TLN2: variants seen among roughly 807,000 people sequenced by gnomAD.
TLN2 encodes talin 2.
A neutral mutation model predicts 294.7 loss-of-function variants in TLN2; 118 were observed. That is an observed-to-expected ratio of 0.40 (90% CI 0.34 to 0.47). The LOEUF (loss-of-function observed/expected upper bound fraction) is 0.47. TLN2 is among the 20% of genes least tolerant of loss of function. The pLI, the probability that TLN2 is intolerant of heterozygous loss-of-function variation, is 0.84. For synonymous variants in TLN2, 1,431 were observed against 1,304.5 expected (o/e 1.10, Z -2.09); for missense variants, 3,083 against 3,282.2 (o/e 0.94, Z 1.48).
chr15:62,574,303 G>A (rs768928423), intron 1 of TLN2, among the ~76,000 whole-genome samples: 13 of 151,728 alleles, frequency 8.6e-5, no homozygotes, highest in African/African-American at 1.2e-4. Flanking sequence ...TTAGCCAGGC[G>A]CGGTGGCTCA....
At chr15:62,800,227 A>T (rs1385177163) in intron 48 of TLN2, 141 bp from the exon 49 acceptor site, 3 of 1,349,438 alleles carry the variant, frequency 2.2e-6, no homozygotes, top group African/African-American at 1.5e-5. Flanking sequence ...GTGGCTTCCC[A>T]GGAGGTCTGC....
chr15:62,410,174 G>A (rs942148017), intron 1 of TLN2, among the ~76,000 whole-genome samples: 6 of 152,140 alleles, frequency 3.9e-5, no homozygotes. Flanking sequence ...CCCGGGAGAC[G>A]GAGGTTGCAC....
intron 1 of TLN2, among the ~76,000 whole-genome samples, chr15:62,476,998 G>A (rs191229666): frequency 5.9e-5 from 9 of 152,266 alleles, no homozygotes; most frequent in African/African-American, 1.4e-4. Context: ...CTCTTTAGTC[G>A]TTAGTAGACT....
chr15:62,605,257 G>A (rs1156770352), intron 2 of TLN2, among the ~76,000 whole-genome samples: 1 of 152,110 alleles, frequency 6.6e-6, no homozygotes, highest in Non-Finnish European at 1.5e-5. Flanking sequence ...AAATATCCTA[G>A]CCTAAATGCT....
At chr15:62,428,676 T>C (rs1566963891) in intron 1 of TLN2, among the ~76,000 whole-genome samples, 1 of 152,172 alleles carries the variant, frequency 6.6e-6, no homozygotes, top group Non-Finnish European at 1.5e-5. Flanking sequence ...AAAAGCTCTT[T>C]TTATGAGAGT....
At chr15:62,810,976 C>T (rs940214410) in intron 52 of TLN2, among the ~76,000 whole-genome samples, 3 of 152,210 alleles carry the variant, frequency 2.0e-5, no homozygotes, top group South Asian at 2.1e-4. Context: ...TCTGTCCTTG[C>T]GCAGCCATGA....
chr15:62,526,974 G>A (rs2040771937), intron 1 of TLN2, among the ~76,000 whole-genome samples: 1 of 152,158 alleles, frequency 6.6e-6, no homozygotes, highest in South Asian at 2.1e-4. Context: ...GAGTCTGTAT[G>A]TATAGATGTA....
intron 1 of TLN2, among the ~76,000 whole-genome samples, chr15:62,536,568 C>T (rs1233652471): frequency 2.0e-5 from 3 of 152,124 alleles, no homozygotes; most frequent in South Asian, 2.1e-4. Flanking sequence ...CTTGACAGCA[C>T]GTGTGTTTTG....
intron 48 of TLN2, among the ~76,000 whole-genome samples, chr15:62,798,210 A>G (rs1257088157): frequency 6.6e-6 from 1 of 152,138 alleles, no homozygotes; most frequent in Non-Finnish European, 1.5e-5. Flanking sequence ...GCACCTGTAG[A>G]TGGCCCAGGT....
chr15:62,544,969 G>A (rs1022284057), intron 1 of TLN2, among the ~76,000 whole-genome samples: 3 of 151,368 alleles, frequency 2.0e-5, no homozygotes, highest in African/African-American at 7.3e-5. Flanking sequence ...TCGCTCTGTC[G>A]CCCAAGCTGG....
At chr15:62,542,558 A>G (rs2041758771) in intron 1 of TLN2, among the ~76,000 whole-genome samples, 2 of 152,198 alleles carry the variant, frequency 1.3e-5, no homozygotes, top group African/African-American at 4.8e-5. Flanking sequence ...AAAATACTGT[A>G]TATACTAGGA....
intron 9 of TLN2, among the ~76,000 whole-genome samples, chr15:62,672,640 T>C (rs945580780): frequency 6.6e-6 from 1 of 152,232 alleles, no homozygotes; most frequent in Non-Finnish European, 1.5e-5. Flanking sequence ...GGTAGCTTCC[T>C]TGGTTCAAGC....
At chr15:62,464,358 G>A (rs2036988302) in intron 1 of TLN2, among the ~76,000 whole-genome samples, 2 of 152,154 alleles carry the variant, frequency 1.3e-5, no homozygotes, top group Admixed American at 1.3e-4. Flanking sequence ...TCACTCATAG[G>A]TGGGAATTGA....
intron 42 of TLN2, among the ~76,000 whole-genome samples, chr15:62,774,170 T>C (rs981403840): frequency 6.6e-6 from 1 of 152,330 alleles, no homozygotes; most frequent in African/African-American, 2.4e-5. Flanking sequence ...TGCTCCCCTG[T>C]GGCCTTCTCC....
chr15:62,738,949 G>A (rs183783327), intron 30 of TLN2, among the ~76,000 whole-genome samples: 2 of 152,324 alleles, frequency 1.3e-5, no homozygotes, highest in Admixed American at 1.3e-4. Context: ...TGAAGTTTGA[G>A]AGCATCTGCC....
intron 3 of TLN2, among the ~76,000 whole-genome samples, chr15:62,640,632 G>T (rs1005179346): frequency 2.7e-4 from 41 of 152,092 alleles, no homozygotes; most frequent in African/African-American, 9.7e-4. Flanking sequence ...TAGGTTGGGG[G>T]AACCTAAGTG....
chr15:62,593,561 G>GT (rs1410627487), intron 2 of TLN2, among the ~76,000 whole-genome samples: 1 of 152,184 alleles, frequency 6.6e-6, no homozygotes, highest in East Asian at 1.9e-4. Context: ...ACTTTTCTAT[G>GT]TAAGAATTGA....
At chr15:62,531,996 T>G (rs916279609) in intron 1 of TLN2, among the ~76,000 whole-genome samples, 1 of 152,180 alleles carries the variant, frequency 6.6e-6, no homozygotes, top group Non-Finnish European at 1.5e-5. Context: ...TCTGAACTGC[T>G]TCAAATATCG....
In TLN2 at chr15:62,656,075, C is replaced by A; in HGVS notation, c.649C>A (p.Leu217Ile). ...GAGAGACCCCGTGCAGCTGAACTTG[C>A]TTTATGTTCAGGTACAGTATTTACT... ...DSRDPVQLNLLYVQARDDILN... is the reference protein window; with the variant it reads ...DSRDPVQLNLIYVQARDDILN... Residue 217 changes from leucine to isoleucine, a missense_variant, in exon 8 of 59, where the codon CTT becomes ATT. Transcript: ENST00000636159. The A allele has an allele frequency of 6.2e-7, 1 of 1,614,152 alleles. No homozygotes were observed. Among genetic ancestry groups the A allele is most frequent in the East Asian group, 2.2e-5 (1 of 44,878 alleles).
Sources: gnomAD v4.1 joint callset for allele counts (sites outside exome capture counted in the v4.1 genomes callset) on GRCh38, gnomAD v4.1.1 for gene constraint, MANE v1.5 for transcripts, NCBI Gene and HGNC (gene_info 2026-07-23, HGNC 2026-07-21) for gene names.